The following GPC6 variants were observed in gnomAD, a reference collection of about 807,000 sequenced individuals.
The protein encoded by GPC6 is glypican-6.
Under a neutral mutation model 55.2 loss-of-function variants are expected in GPC6, and 14 were observed. The ratio of observed to expected loss-of-function variants is 0.25; its 90% confidence interval spans 0.17 to 0.40. GPC6 has a LOEUF of 0.40. GPC6 is among the 10% of genes least tolerant of loss of function. The pLI, the probability that GPC6 is intolerant of heterozygous loss-of-function variation, is 1.00. For synonymous variants in GPC6, 278 were observed against 259.6 expected (o/e 1.07, Z -0.68); for missense variants, 641 against 708.5 (o/e 0.90, Z 1.08).
At chr13:93,729,730 T>C (rs1883760217) in intron 2 of GPC6, among the ~76,000 whole-genome samples, 1 of 152,200 alleles carries the variant, frequency 6.6e-6, no homozygotes, top group East Asian at 1.9e-4. Flanking sequence ...ATACTCAACA[T>C]AAATGCTTAC....
chr13:93,745,430 C>T (rs1401092455), intron 2 of GPC6, among the ~76,000 whole-genome samples: 1 of 152,084 alleles, frequency 6.6e-6, no homozygotes, highest in Non-Finnish European at 1.5e-5. Flanking sequence ...TCTGATACTC[C>T]CTCCTCTCAT....
At chr13:93,459,329 G>A (rs1878593509) in intron 1 of GPC6, among the ~76,000 whole-genome samples, 1 of 152,212 alleles carries the variant, frequency 6.6e-6, no homozygotes, top group African/African-American at 2.4e-5. Context: ...ACTTCCCAAA[G>A]TTCTGGGATT....
Position 93,845,916 on chromosome 13 carries a change from T to C in GPC6, c.711+15371T>C, listed in dbSNP as rs1210486348. Among the ~76,000 whole-genome samples, 4 of 151,330 alleles carry C rather than the reference T, an allele frequency of 2.6e-5. No homozygotes were observed. In the East Asian group the frequency reaches 5.9e-4, roughly 22 times the overall value. ...AGTTAGTGGGTGCAGCGCACCAGCA[T>C]GGCACATGTATACATATGCAACTAA... is the stretch of plus-strand genomic sequence containing the variant. On this transcript the variant is annotated intron_variant, in intron 3 of 8. Transcript: ENST00000377047.
At chr13:93,761,336 T>C (rs1594434343) in intron 2 of GPC6, among the ~76,000 whole-genome samples, 1 of 152,202 alleles carries the variant, frequency 6.6e-6, no homozygotes, top group Admixed American at 6.5e-5. Flanking sequence ...GTTTCAAAGT[T>C]AGTTTTTTAA....
intron 2 of GPC6, among the ~76,000 whole-genome samples, chr13:93,609,039 A>G (rs1351862741): frequency 1.3e-5 from 2 of 152,180 alleles, no homozygotes; most frequent in Non-Finnish European, 2.9e-5. Context: ...CTTAAGCAAC[A>G]AACTAAAGCG....
At chr13:93,498,606 T>G (rs961399513) in intron 1 of GPC6, among the ~76,000 whole-genome samples, 3 of 152,156 alleles carry the variant, frequency 2.0e-5, no homozygotes, top group African/African-American at 4.8e-5. Flanking sequence ...CTTTTGCTTC[T>G]TCCTCATTTT....
At chr13:93,735,567 T>C (rs1378636408) in intron 2 of GPC6, among the ~76,000 whole-genome samples, 1 of 151,724 alleles carries the variant, frequency 6.6e-6, no homozygotes, top group African/African-American at 2.4e-5. Flanking sequence ...AGACAGAGGA[T>C]GATGAGTAAG....
chr13:94,208,982 A>C (rs1889991523), intron 4 of GPC6, among the ~76,000 whole-genome samples: 1 of 152,084 alleles, frequency 6.6e-6, no homozygotes, highest in Admixed American at 6.5e-5. Context: ...TATTTTATTA[A>C]GATAACATCA....
intron 4 of GPC6, among the ~76,000 whole-genome samples, chr13:94,169,315 A>G (rs1401764993): frequency 6.6e-6 from 1 of 152,196 alleles, no homozygotes; most frequent in Admixed American, 6.5e-5. Flanking sequence ...TCACAAATTG[A>G]TCTTGGCAGG....
In GPC6 at chr13:93,227,791, C is replaced by CG. The variant is rs1875852891; in HGVS notation, c.160+180dup. On this transcript the variant is annotated intron_variant, in intron 1 of 8. Coordinates refer to ENST00000377047, the MANE Select transcript of GPC6 (RefSeq NM_005708.5). This position sits in a 1 kb window ranked among gnomAD's most constrained non-coding sequence, Gnocchi z 4.3. ...GCGGATGCTCCTGCGGCTTCTTCGG[C>CG]GGGGGAAGGTGTGCGTCTCCGCCGC... is the stretch of plus-strand genomic sequence containing the variant. Among the ~76,000 whole-genome samples the CG allele has an allele frequency of 6.6e-6, 1 of 152,170 alleles. No individual in the cohort carries two copies. Among genetic ancestry groups the CG allele is most frequent in the Non-Finnish European group, 1.5e-5 (1 of 68,032 alleles).
intron 4 of GPC6, among the ~76,000 whole-genome samples, chr13:94,243,882 G>T (rs1303436688): frequency 2.0e-5 from 3 of 152,130 alleles, no homozygotes; most frequent in Non-Finnish European, 4.4e-5. Flanking sequence ...GCTGTGCCAT[G>T]TAGGCTGGAC....
At chr13:94,126,115 T>C (rs650131) in intron 4 of GPC6, among the ~76,000 whole-genome samples, 150,662 of 152,294 alleles carry the variant, frequency 0.99, 74,552 homozygotes, top group East Asian at 1. Flanking sequence ...CAGTGGCTCA[T>C]GCCTGTAATC....
chr13:93,390,018 G>A (rs566923960), intron 1 of GPC6, among the ~76,000 whole-genome samples: 47 of 148,784 alleles, frequency 3.2e-4, no homozygotes, highest in African/African-American at 1.0e-3. Flanking sequence ...TGGAAAGAGA[G>A]ACAGGCATTT....
At chr13:94,373,434 C>T (rs531402621) in intron 6 of GPC6, among the ~76,000 whole-genome samples, 7 of 151,952 alleles carry the variant, frequency 4.6e-5, no homozygotes, top group South Asian at 2.1e-4. Flanking sequence ...CCTCAGGAGC[C>T]GATGAGATCA....
chr13:94,355,095 C>T (rs1230504146), intron 6 of GPC6, among the ~76,000 whole-genome samples: 1 of 151,306 alleles, frequency 6.6e-6, no homozygotes, highest in African/African-American at 2.4e-5. Context: ...ATGTTCTCAA[C>T]TCACTCCAAC....
upstream of GPC6, among the ~76,000 whole-genome samples, chr13:93,224,580 T>C (rs896595317): frequency 6.6e-6 from 1 of 152,202 alleles, no homozygotes; most frequent in African/African-American, 2.4e-5. Flanking sequence ...ATTCCAGCCA[T>C]TAGCTGACCT....
chr13:93,382,368 G>A (rs895648623), intron 1 of GPC6, among the ~76,000 whole-genome samples: 10 of 152,146 alleles, frequency 6.6e-5, no homozygotes, highest in South Asian at 2.1e-4. Flanking sequence ...AACTAGGACC[G>A]CATCACTTTT....
intron 6 of GPC6, among the ~76,000 whole-genome samples, chr13:94,355,451 T>C (rs779316758): frequency 5.3e-5 from 8 of 152,174 alleles, no homozygotes; most frequent in Non-Finnish European, 1.2e-4. Context: ...TGCTTTCTTC[T>C]GGAAGAGAAA....
intron 4 of GPC6, among the ~76,000 whole-genome samples, chr13:94,146,335 T>C (rs1887562196): frequency 6.6e-6 from 1 of 152,146 alleles, no homozygotes; most frequent in Non-Finnish European, 1.5e-5. Flanking sequence ...GTTGTGTGAC[T>C]TCCTCTAGAC....
Sources: allele counts gnomAD v4.1 joint callset (sites outside exome capture counted in the v4.1 genomes callset), GRCh38; gene constraint gnomAD v4.1.1; non-coding constraint Gnocchi (gnomAD v3.1); transcripts MANE v1.5; gene names NCBI Gene and HGNC (gene_info 2026-07-23, HGNC 2026-07-21).